The following JMJD1C variants were observed in gnomAD, a reference collection of about 807,000 sequenced individuals.
The protein encoded by JMJD1C is jumonji domain-containing protein 1C.
Under a neutral mutation model 245.3 loss-of-function variants are expected in JMJD1C, and 31 were observed. That is an observed-to-expected ratio of 0.13 (90% CI 0.09 to 0.17). The LOEUF (loss-of-function observed/expected upper bound fraction) is 0.17. JMJD1C is among the 10% of genes least tolerant of loss of function. The pLI, the probability that JMJD1C is intolerant of heterozygous loss-of-function variation, is 1.00. For missense variants in JMJD1C, 2,691 were observed against 3,000.2 expected (o/e 0.90, Z 2.41); for synonymous variants, 1,057 against 1,017.4 (o/e 1.04, Z -0.74).
At chr10:63,452,869 A>G (rs2133032642) in intron 1 of JMJD1C, among the ~76,000 whole-genome samples, 2 of 152,342 alleles carry the variant, frequency 1.3e-5, no homozygotes, top group South Asian at 4.1e-4. Flanking sequence ...GCAAATTCAC[A>G]GAGACATTAG....
At chr10:63,409,540 G>A (rs1374759593) in intron 1 of JMJD1C, among the ~76,000 whole-genome samples, 2 of 152,140 alleles carry the variant, frequency 1.3e-5, no homozygotes, top group Non-Finnish European at 2.9e-5. Context: ...TTAGGTGAAT[G>A]AAGGAAAAAC....
At chr10:63,309,701 G>A (rs966299022) in intron 2 of JMJD1C, among the ~76,000 whole-genome samples, 3 of 151,832 alleles carry the variant, frequency 2.0e-5, no homozygotes, top group African/African-American at 4.8e-5. Flanking sequence ...AGCGGATCAC[G>A]AGGTCTGGAG....
chr10:63,262,070 G>T (rs1854835439), intron 3 of JMJD1C, among the ~76,000 whole-genome samples: 1 of 152,106 alleles, frequency 6.6e-6, no homozygotes, highest in South Asian at 2.1e-4. Flanking sequence ...AAGTGAGAAA[G>T]AAATAAGCTC....
chr10:63,188,625 G>C (rs1412617085), intron 18 of JMJD1C, among the ~76,000 whole-genome samples: 2 of 152,134 alleles, frequency 1.3e-5, no homozygotes, highest in Admixed American at 1.3e-4. Flanking sequence ...GTAGTAAATT[G>C]CCATCTGAAA....
chr10:63,487,455 G>T (rs974514564), intron 1 of JMJD1C, among the ~76,000 whole-genome samples: 2 of 152,196 alleles, frequency 1.3e-5, no homozygotes, highest in African/African-American at 4.8e-5. Context: ...AGTGGATAGA[G>T]GCTAGGATGC....
chr10:63,249,167 T>C (rs1852696364), intron 3 of JMJD1C, among the ~76,000 whole-genome samples: 1 of 152,086 alleles, frequency 6.6e-6, no homozygotes, highest in Non-Finnish European at 1.5e-5. Flanking sequence ...AATACAAAAA[T>C]TAGCTGGACA....
At chr10:63,189,515 G>T (rs1589098323) in intron 17 of JMJD1C, 69 bp from the exon 18 acceptor site, 2 of 1,354,316 alleles carry the variant, frequency 1.5e-6, no homozygotes, top group East Asian at 2.3e-5. Flanking sequence ...TCCTCCCACA[G>T]ACTTATTTTT....
chr10:63,215,068 G>A lies in JMJD1C; in HGVS notation c.1099C>T (p.Leu367Phe), dbSNP rs746750209. The A allele has an allele frequency of 5.6e-6, 9 of 1,601,088 alleles. No homozygotes were observed. The East Asian group carries it at 8.9e-5, about 16-fold the overall frequency. ...AAGTCTGAAACATTGTCAGTTCGAA[G>A]TCTTTTCATATTTAGTTTCTTTTCA... ...EDEKKLNMKR[L>F]RTDNVSDFSE... The change falls in exon 8 of 26, where the codon CTT becomes TTT. Residue 367 changes from leucine (L) to phenylalanine (F), a missense_variant. Around this residue, in one of 9 missense-constraint regions of JMJD1C, gnomAD observed 1,562 missense variants for 1,490.7 expected, o/e 1.05. Coordinates refer to ENST00000399262, the MANE Select transcript of JMJD1C (RefSeq NM_032776.3).
chr10:63,279,617 A>C (rs1375095993), intron 2 of JMJD1C, among the ~76,000 whole-genome samples: 1 of 152,168 alleles, frequency 6.6e-6, no homozygotes, highest in African/African-American at 2.4e-5. Flanking sequence ...AAAAATTTTT[A>C]AATTAGCTGG....
Position 63,207,460 on chromosome 10 carries a change from G to A in JMJD1C, c.4209C>T (p.Ala1403=), listed in dbSNP as rs193233064. The change falls in exon 10 of 26, where the codon GCC becomes GCT. Residue 1403 remains alanine (A), a synonymous_variant. Coordinates refer to ENST00000399262, the MANE Select transcript of JMJD1C (RefSeq NM_032776.3). ...NTKTDVITSA[A]DTTSVSSWGG... ...CCCAGCTGGAAACACTGGTAGTATC[G>A]GCAGCAGATGTGATTACATCCGTTT... 838 of 1,614,172 alleles carry A rather than the reference G, an allele frequency of 5.2e-4. No homozygotes were observed. Among genetic ancestry groups the A allele is most frequent in the Non-Finnish European group, 6.5e-4 (763 of 1,180,016 alleles).
At position 63,214,435 on chromosome 10, in the gene JMJD1C, T is replaced by C. The variant is rs1564621824; in HGVS notation, c.1732A>G (p.Ser578Gly). The stretch of plus-strand genomic sequence containing the variant: ...TTTCCTGAAGAAGCATTTGTAACAC[T>C]TGATTGGGTTAGATCCACTTTAACT... ...DVVKVDLTQS[S>G]VTNASSGNDH... Residue 578 changes from serine to glycine, a missense_variant, in exon 8 of 26, where the codon AGT (serine) becomes GGT (glycine). By Grantham distance (56) the Ser-to-Gly change is moderately conservative. This residue lies in a region of JMJD1C where 1,562 missense variants were observed against 1,490.7 expected (regional missense o/e 1.05). Coordinates refer to ENST00000399262, the MANE Select transcript of JMJD1C (RefSeq NM_032776.3). 3 of 1,613,876 alleles carry C rather than the reference T, an allele frequency of 1.9e-6. No homozygotes were observed. Among genetic ancestry groups the C allele is most frequent in the East Asian group, 2.2e-5 (1 of 44,870 alleles).
intron 1 of JMJD1C, among the ~76,000 whole-genome samples, chr10:63,401,790 T>C (rs9415705): frequency 6.6e-6 from 1 of 151,762 alleles, no homozygotes; most frequent in Non-Finnish European, 1.5e-5. Flanking sequence ...CGTTCAGGAG[T>C]TGACTAACAC....
intron 11 of JMJD1C, among the ~76,000 whole-genome samples, chr10:63,199,369 T>C (rs998934700): frequency 4.6e-5 from 7 of 152,146 alleles, no homozygotes; most frequent in Admixed American, 3.9e-4. Context: ...TATATTGTAC[T>C]TCACTCTCTT....
At chr10:63,297,277 T>C (rs1262037425) in intron 2 of JMJD1C, among the ~76,000 whole-genome samples, 1 of 152,196 alleles carries the variant, frequency 6.6e-6, no homozygotes, top group African/African-American at 2.4e-5. Flanking sequence ...AGTCGGATAG[T>C]GCTTTTTCCA....
intron 2 of JMJD1C, among the ~76,000 whole-genome samples, chr10:63,306,807 C>A (rs1938315033): frequency 6.6e-6 from 1 of 151,968 alleles, no homozygotes; most frequent in Non-Finnish European, 1.5e-5. Context: ...CAAGTAAATA[C>A]AATGATAAAT....
At chr10:63,218,300 C>T (rs904519589) in intron 4 of JMJD1C, among the ~76,000 whole-genome samples, 1 of 151,926 alleles carries the variant, frequency 6.6e-6, no homozygotes, top group Admixed American at 6.6e-5. Context: ...CAATCCTTTG[C>T]CAGCTTTAAA....
intron 1 of JMJD1C, chr10:63,382,851 C>G (rs1317343932): frequency 2.2e-6 from 1 of 456,000 alleles, no homozygotes; most frequent in Non-Finnish European, 4.4e-6. Flanking sequence ...CTCTTTTGGC[C>G]TAGCTCAAGT....
intron 10 of JMJD1C, among the ~76,000 whole-genome samples, chr10:63,201,611 T>C (rs1846014478): frequency 6.6e-6 from 1 of 152,148 alleles, no homozygotes; most frequent in African/African-American, 2.4e-5. Context: ...TGTTGTCTAT[T>C]AAAATTTTTA....
intron 1 of JMJD1C, among the ~76,000 whole-genome samples, chr10:63,433,744 T>G (rs941222532): frequency 6.6e-6 from 1 of 151,106 alleles, no homozygotes; most frequent in African/African-American, 2.4e-5. Flanking sequence ...TACCACCACA[T>G]GCAGTTAATT....
Sources: gnomAD v4.1 joint callset for allele counts (sites outside exome capture counted in the v4.1 genomes callset) on GRCh38, gnomAD v4.1.1 for gene constraint, gnomAD v4.1.1 regional missense constraint, MANE v1.5 for transcripts, NCBI Gene and HGNC (gene_info 2026-07-23, HGNC 2026-07-21) for gene names.